MIPOL1: variants seen among roughly 807,000 people sequenced by gnomAD.
MIPOL1 encodes mirror-image polydactyly 1.
A neutral mutation model predicts 60.9 loss-of-function variants in MIPOL1; 57 were observed. The ratio of observed to expected loss-of-function variants is 0.94; its 90% CI spans 0.76 to 1.17. The LOEUF is 1.17. Ranked by LOEUF, MIPOL1 falls within the 50% of genes most tolerant of loss-of-function variation. The probability of loss-of-function intolerance (pLI) is 0.00; values close to 1 mark genes in which losing one functional copy is unlikely to be tolerated. For synonymous variants in MIPOL1, 179 were observed against 168.8 expected (o/e 1.06, Z -0.47); for missense variants, 551 against 511.6 (o/e 1.08, Z -0.74).
Position 37,541,380 on chromosome 14 carries a change from G to A in MIPOL1, c.1263-5525G>A, listed in dbSNP as rs544381345. Among the ~76,000 whole-genome samples the A allele has an allele frequency of 2.8e-4, 43 of 152,146 alleles. 2 individuals carry two copies. The South Asian group carries it at 8.5e-3, about 30-fold the overall frequency. On this transcript the variant is annotated intron_variant, in intron 12 of 12. Transcript: ENST00000684589. ...CCTAAGACAGTTTCCTTATGTCCTC[G>A]TCTTTTTCACCCTACTGCCCTGTAA...
chr14:37,343,286 C>T (rs1002094322), intron 9 of MIPOL1, among the ~76,000 whole-genome samples: 2 of 151,956 alleles, frequency 1.3e-5, no homozygotes, highest in African/African-American at 4.8e-5. Context: ...GTTACGTTTT[C>T]AAGTTTAAAA....
intron 3 of MIPOL1, among the ~76,000 whole-genome samples, chr14:37,260,008 C>A (rs1484211880): frequency 6.6e-6 from 1 of 152,062 alleles, no homozygotes; most frequent in South Asian, 2.1e-4. Flanking sequence ...ACCTTTACAT[C>A]CTACACAGCA....
At chr14:37,225,974 A>C (rs995664265) in intron 1 of MIPOL1, among the ~76,000 whole-genome samples, 6 of 152,082 alleles carry the variant, frequency 3.9e-5, no homozygotes, top group Non-Finnish European at 7.4e-5. Context: ...GGAGTGGCAA[A>C]ATGCCTCTAG....
At chr14:37,490,201 T>C (rs1164078266) in intron 11 of MIPOL1, among the ~76,000 whole-genome samples, 8 of 152,192 alleles carry the variant, frequency 5.3e-5, no homozygotes, top group Non-Finnish European at 2.9e-5. Context: ...CTTGCTGAGC[T>C]GCAGTGGGCT....
At chr14:37,371,146 G>A (rs1483996348) in intron 10 of MIPOL1, among the ~76,000 whole-genome samples, 3 of 149,628 alleles carry the variant, frequency 2.0e-5, no homozygotes, top group African/African-American at 7.4e-5. Flanking sequence ...TTTTGAGACA[G>A]TCTTGCTCCA....
At chr14:37,278,858 A>G (rs954340596) in intron 6 of MIPOL1, 21 of 151,742 alleles carry the variant, frequency 1.4e-4, no homozygotes, top group Admixed American at 2.6e-4. Context: ...GACTCAATAA[A>G]CTCATACTTA....
Position 37,267,283 on chromosome 14 carries a change from T to A in MIPOL1, c.251+114T>A, listed in dbSNP as rs1368882549. 7.0e-6 allele frequency: 5 copies of A among 710,516 alleles called. No homozygotes were observed. The East Asian group carries it at 1.4e-4, about 20-fold the overall frequency. 44.0% of individuals were successfully genotyped at this position (710,516 alleles called of 1,614,324 possible). A position where few individuals can be genotyped will look rare whatever the true frequency, so the allele number is the denominator to read the frequency against. ...TGGGTGGATCACTTGAGGTCAGGAG[T>A]TCGAGACCAGCCTGGCCAACATGGT... On this transcript the variant is annotated intron_variant, in intron 4 of 12. Coordinates refer to ENST00000684589, the MANE Select transcript of MIPOL1 (RefSeq NM_001388067.1).
At chr14:37,446,467 C>T (rs1039080087) in intron 11 of MIPOL1, among the ~76,000 whole-genome samples, 5 of 152,144 alleles carry the variant, frequency 3.3e-5, no homozygotes, top group Non-Finnish European at 7.4e-5. Context: ...CACTTTTACA[C>T]TGTTGATGGG....
rs2153645418 is a variant in MIPOL1 at position 37,550,077 on chromosome 14, AATT to A, written c.*3111_*3113del. ...TTTAAAATTTTATAAATAAGTTAGA[AATT>A]ATTAATGTATTTTAAATATGGAGTA... On this transcript the variant is annotated 3_prime_UTR_variant, in exon 13 of 13. Coordinates refer to ENST00000684589, the MANE Select transcript of MIPOL1 (RefSeq NM_001388067.1). 6.6e-6 allele frequency: 1 copy of A among 151,792 alleles called. No homozygotes were observed. The highest frequency in any genetic ancestry group is 2.4e-5 in the African/African-American group (1 of 41,526). The allele number at this position is 151,792 out of a possible 1,614,324, so 9.4% of individuals were successfully genotyped here.
chr14:37,261,891 A>T (rs2082539140), intron 3 of MIPOL1, among the ~76,000 whole-genome samples: 1 of 152,106 alleles, frequency 6.6e-6, no homozygotes, highest in African/African-American at 2.4e-5. Context: ...CTGTCTTCAG[A>T]ATCCATGCAC....
At chr14:37,546,703 A>G (rs1206690795) in intron 12 of MIPOL1, among the ~76,000 whole-genome samples, 1 of 151,950 alleles carries the variant, frequency 6.6e-6, no homozygotes, top group Non-Finnish European at 1.5e-5. Flanking sequence ...GATCTGGGTT[A>G]AAGTTTGTGT....
At chr14:37,352,940 ATGT>A (rs1427319121) in intron 9 of MIPOL1, among the ~76,000 whole-genome samples, 16 of 143,542 alleles carry the variant, frequency 1.1e-4, no homozygotes, top group Non-Finnish European at 1.7e-4. Flanking sequence ...TTCCAACACT[ATGT>A]TGAATAGGAG....
intron 9 of MIPOL1, among the ~76,000 whole-genome samples, chr14:37,309,905 T>C (rs2153435391): frequency 6.6e-6 from 1 of 152,144 alleles, no homozygotes; most frequent in Admixed American, 6.5e-5. Flanking sequence ...GCCAGGCTGG[T>C]CTTGAACTGC....
intron 1 of MIPOL1, among the ~76,000 whole-genome samples, chr14:37,207,505 T>C (rs1318709544): frequency 6.6e-6 from 1 of 151,658 alleles, no homozygotes; most frequent in Non-Finnish European, 1.5e-5. Flanking sequence ...TAATCTGTTT[T>C]TATCAGTTTA....
At chr14:37,540,732 T>C (rs1345386659) in intron 12 of MIPOL1, among the ~76,000 whole-genome samples, 1 of 152,172 alleles carries the variant, frequency 6.6e-6, no homozygotes, top group East Asian at 1.9e-4. Context: ...TGTGTCACAC[T>C]CACATTTTAC....
At chr14:37,399,742 C>T (rs1280490353) in intron 10 of MIPOL1, 2 of 152,164 alleles carry the variant, frequency 1.3e-5, no homozygotes, top group African/African-American at 2.4e-5. Flanking sequence ...TATGCTTGCT[C>T]ACATTAATGG....
chr14:37,368,371 A>C (rs1483773215), intron 9 of MIPOL1, among the ~76,000 whole-genome samples: 1 of 151,902 alleles, frequency 6.6e-6, no homozygotes, highest in Non-Finnish European at 1.5e-5. Context: ...CAAAGTTGTG[A>C]AATATTGATA....
At chr14:37,236,626 C>CG (rs1308156119) in intron 1 of MIPOL1, among the ~76,000 whole-genome samples, 3 of 151,750 alleles carry the variant, frequency 2.0e-5, no homozygotes, top group East Asian at 3.9e-4. Flanking sequence ...TTAGTAGAGA[C>CG]GGGGTTTCTC....
In MIPOL1 at chr14:37,449,053, A is replaced by G. The variant is rs146338099; in HGVS notation, c.1031+26104A>G. ...TTAAAATAATTTCTGGTTTATGCCA[A>G]CAAAGAAGGGAATGGCAGCAAGATC... On this transcript the variant is annotated intron_variant, in intron 11 of 12. Transcript: ENST00000684589. 1.8e-3 allele frequency among the ~76,000 whole-genome samples: 279 copies of G among 152,340 alleles called. 1 individual carries two copies. Among genetic ancestry groups the G allele is most frequent in the South Asian group, 0.011 (55 of 4,828 alleles).
Sources: allele counts gnomAD v4.1 joint callset (sites outside exome capture counted in the v4.1 genomes callset), GRCh38; gene constraint gnomAD v4.1.1; transcripts MANE v1.5; gene names NCBI Gene and HGNC (gene_info 2026-07-23, HGNC 2026-07-21).